Variants in PDSS2 observed in about 807,000 individuals in gnomAD.
The protein encoded by PDSS2 is all trans-polyprenyl-diphosphate synthase PDSS2.
Under a neutral mutation model 44.5 loss-of-function variants are expected in PDSS2, and 31 were observed. That is an observed-to-expected ratio of 0.70 (90% confidence interval 0.52 to 0.94). The LOEUF is 0.94. PDSS2 is among the 40% of genes least tolerant of loss of function. The pLI is 0.00. For synonymous variants in PDSS2, 157 were observed against 180.3 expected (o/e 0.87, Z 1.03); for missense variants, 452 against 482.2 (o/e 0.94, Z 0.59).
chr6:107,246,880 C>T (rs1373357699), intron 3 of PDSS2, among the ~76,000 whole-genome samples: 1 of 151,840 alleles, frequency 6.6e-6, no homozygotes, highest in Non-Finnish European at 1.5e-5. Flanking sequence ...TTTTTTAAAT[C>T]ACATTGTCCT....
chr6:107,450,787 C>T (rs1357519880), intron 1 of PDSS2, among the ~76,000 whole-genome samples: 1 of 152,116 alleles, frequency 6.6e-6, no homozygotes, highest in Non-Finnish European at 1.5e-5. Context: ...GCTCAGGAGT[C>T]TGATTGCTGG....
chr6:107,296,111 G>T (rs1413277183), intron 2 of PDSS2, among the ~76,000 whole-genome samples: 1 of 152,194 alleles, frequency 6.6e-6, no homozygotes, highest in Non-Finnish European at 1.5e-5. Flanking sequence ...ATCAGCCTTA[G>T]TCTAGGAGTA....
At chr6:107,325,433 C>T (rs938921010) in intron 2 of PDSS2, among the ~76,000 whole-genome samples, 2 of 152,134 alleles carry the variant, frequency 1.3e-5, no homozygotes, top group African/African-American at 4.8e-5. Flanking sequence ...CAATTGAATA[C>T]ACCGAGTAGA....
At chr6:107,269,558 T>C (rs981604193) in intron 3 of PDSS2, among the ~76,000 whole-genome samples, 1 of 152,216 alleles carries the variant, frequency 6.6e-6, no homozygotes, top group Non-Finnish European at 1.5e-5. Flanking sequence ...TTTTCATTAA[T>C]TGTAATTCCC....
rs9486600 is a variant in PDSS2, at chr6:107,381,094, T to A, written c.297-46762A>T. ...TACTTCTAAAATGTAAGCACCCTAA[T>A]AATGGGAGCCTTGTTTGCCTGGCCA... On this transcript the variant is annotated intron_variant, in intron 1 of 7. Transcript: ENST00000369037. 5.8e-3 allele frequency among the ~76,000 whole-genome samples: 890 copies of A among 152,262 alleles called. 14 individuals carry two copies. Among genetic ancestry groups the A allele is most frequent in the African/African-American group, 0.019 (769 of 41,546 alleles).
At chr6:107,254,952 C>T (rs897586183) in intron 3 of PDSS2, among the ~76,000 whole-genome samples, 8 of 151,226 alleles carry the variant, frequency 5.3e-5, no homozygotes, top group Non-Finnish European at 8.9e-5. Flanking sequence ...CAACTGCCAC[C>T]TCCCAGGTTC....
chr6:107,230,661 A>C (rs904837935), intron 4 of PDSS2, among the ~76,000 whole-genome samples: 1 of 151,996 alleles, frequency 6.6e-6, no homozygotes, highest in African/African-American at 2.4e-5. Context: ...CTGGACCAGC[A>C]GACTAGCCAG....
At chr6:107,255,041 T>C (rs1381951883) in intron 3 of PDSS2, among the ~76,000 whole-genome samples, 3 of 151,204 alleles carry the variant, frequency 2.0e-5, no homozygotes, top group Admixed American at 1.3e-4. Flanking sequence ...CTTTTGACTT[T>C]TGTATTTTTA....
At chr6:107,205,698 CGT>C (rs1772949679) in intron 6 of PDSS2, among the ~76,000 whole-genome samples, 1 of 151,762 alleles carries the variant, frequency 6.6e-6, no homozygotes, top group African/African-American at 2.4e-5. Context: ...TGGTTGTGTG[CGT>C]GTGTGTCAAC....
rs149597571 is a variant in PDSS2 at position 107,279,274 on chromosome 6, T to C, written c.432-5047A>G. ...TATTTACCTAAGGAATAGTAGATCG[T>C]TGGGGAGGGGGAATAAGCCAAAGTT... On this transcript the variant is annotated intron_variant, in intron 2 of 7. Coordinates refer to ENST00000369037, the MANE Select transcript of PDSS2 (RefSeq NM_020381.4). Among the ~76,000 whole-genome samples, 383 of 151,962 alleles carry C rather than the reference T, an allele frequency of 2.5e-3. 4 individuals carry two copies. Among genetic ancestry groups the C allele is most frequent in the African/African-American group, 8.9e-3 (371 of 41,454 alleles).
chr6:107,180,521 A>ATCAT (rs1014405445), intron 7 of PDSS2, among the ~76,000 whole-genome samples: 1 of 152,186 alleles, frequency 6.6e-6, no homozygotes, highest in African/African-American at 2.4e-5. Context: ...ATCTTGGGTC[A>ATCAT]TCATTCATTC....
chr6:107,204,007 A>G (rs1244039289), intron 6 of PDSS2, among the ~76,000 whole-genome samples: 6 of 151,456 alleles, frequency 4.0e-5, no homozygotes. Context: ...CAGTAGCATG[A>G]TCGAGGCTCA....
intron 4 of PDSS2, among the ~76,000 whole-genome samples, chr6:107,245,184 G>A (rs1483900321): frequency 3.9e-5 from 6 of 151,996 alleles, no homozygotes; most frequent in Non-Finnish European, 1.5e-5. Context: ...TCTGTGACAC[G>A]GAAGGACCCT....
chr6:107,256,429 G>A (rs1280432309), intron 3 of PDSS2, among the ~76,000 whole-genome samples: 1 of 152,042 alleles, frequency 6.6e-6, no homozygotes. Context: ...ATGTCTTTTG[G>A]GTAACACAGT....
chr6:107,177,991 G>C (rs1031330205), intron 7 of PDSS2, among the ~76,000 whole-genome samples: 1 of 152,078 alleles, frequency 6.6e-6, no homozygotes, highest in Non-Finnish European at 1.5e-5. Flanking sequence ...TATTTTACTT[G>C]AATCCCTATC....
chr6:107,343,611 G>A (rs1308124804), intron 1 of PDSS2, among the ~76,000 whole-genome samples: 2 of 151,888 alleles, frequency 1.3e-5, no homozygotes, highest in Admixed American at 6.6e-5. Context: ...TTAATGACAT[G>A]GGAAAATACT....
At chr6:107,444,704 C>A (rs949218742) in intron 1 of PDSS2, among the ~76,000 whole-genome samples, 12 of 152,096 alleles carry the variant, frequency 7.9e-5, no homozygotes, top group African/African-American at 2.4e-4. Context: ...AATTAAATTT[C>A]TAATAATAAA....
intron 2 of PDSS2, among the ~76,000 whole-genome samples, chr6:107,277,221 G>C (rs994254121): frequency 2.0e-5 from 3 of 152,198 alleles, no homozygotes; most frequent in African/African-American, 7.2e-5. Flanking sequence ...TTTGAGCGGG[G>C]CCTGGAAAGG....
At chr6:107,317,544 T>G (rs1777239256) in intron 2 of PDSS2, among the ~76,000 whole-genome samples, 1 of 152,198 alleles carries the variant, frequency 6.6e-6, no homozygotes, top group African/African-American at 2.4e-5. Flanking sequence ...GATGACCATG[T>G]GTTCTGCAAA....
Sources: gnomAD v4.1 joint callset for allele counts (sites outside exome capture counted in the v4.1 genomes callset) on GRCh38, gnomAD v4.1.1 for gene constraint, MANE v1.5 for transcripts, NCBI Gene and HGNC (gene_info 2026-07-23, HGNC 2026-07-21) for gene names.